COL23A1: variants seen among roughly 807,000 people sequenced by gnomAD.
COL23A1 encodes the protein collagen type XXIII alpha 1 chain.
A neutral mutation model predicts 99.3 loss-of-function variants in COL23A1; 97 were observed. The ratio of observed to expected loss-of-function variants is 0.98; its 90% CI spans 0.83 to 1.16. The LOEUF is 1.16. Among genes scored for constraint, COL23A1 ranks in the 50% most tolerant of loss-of-function variants. The pLI, the probability that COL23A1 is intolerant of heterozygous loss-of-function variation, is 0.00. For synonymous variants in COL23A1, 320 were observed against 308.2 expected, an observed-to-expected ratio of 1.04 and a Z score of -0.40; for missense variants, 762 against 757.4, an observed-to-expected ratio of 1.01 and a Z score of -0.07.
chr5:178,543,075 G>A (rs1761380476), intron 2 of COL23A1, among the ~76,000 whole-genome samples: 1 of 152,002 alleles, frequency 6.6e-6, no homozygotes, highest in Non-Finnish European at 1.5e-5. Flanking sequence ...TTCGAGGGTT[G>A]GAGAGTGAGA....
chr5:178,423,814 C>T (rs1401904060), intron 2 of COL23A1, among the ~76,000 whole-genome samples: 2 of 152,152 alleles, frequency 1.3e-5, no homozygotes, highest in Non-Finnish European at 2.9e-5. Flanking sequence ...TGGATCCCGG[C>T]CTGCCCATGA....
intron 10 of COL23A1, among the ~76,000 whole-genome samples, 154 bp from the exon 11 acceptor site, chr5:178,261,902 G>A (rs905311597): frequency 1.3e-5 from 2 of 152,332 alleles, no homozygotes; most frequent in South Asian, 2.1e-4. Flanking sequence ...GCCCACCCTG[G>A]GCCTGACTCC....
chr5:178,249,683 AACACACACAC>A (rs746295532), intron 18 of COL23A1, among the ~76,000 whole-genome samples: 1 of 118,328 alleles, frequency 8.5e-6, no homozygotes, highest in African/African-American at 4.3e-5. Flanking sequence ...TGTATAGGAT[AACACACACAC>A]ACACACACAC....
intron 3 of COL23A1, among the ~76,000 whole-genome samples, chr5:178,302,849 C>T (rs1263055187): frequency 6.6e-6 from 1 of 152,194 alleles, no homozygotes; most frequent in Non-Finnish European, 1.5e-5. Flanking sequence ...TAAAGACAAG[C>T]CTTGGGTATG....
intron 2 of COL23A1, among the ~76,000 whole-genome samples, chr5:178,453,073 G>A (rs754437862): frequency 2.0e-5 from 3 of 152,178 alleles, no homozygotes; most frequent in East Asian, 3.8e-4. Context: ...CCCACACGGC[G>A]AGAAAAACCA....
At chr5:178,272,935 A>C (rs935414169) in intron 5 of COL23A1, among the ~76,000 whole-genome samples, 1 of 152,166 alleles carries the variant, frequency 6.6e-6, no homozygotes, top group African/African-American at 2.4e-5. Context: ...GGTACGTGTC[A>C]TCATCCCCAT....
chr5:178,462,042 C>T (rs1023020843), intron 2 of COL23A1, among the ~76,000 whole-genome samples: 16 of 152,242 alleles, frequency 1.1e-4, no homozygotes, highest in African/African-American at 3.9e-4. Context: ...GCACTGTGTT[C>T]TTGGCACCCA....
At chr5:178,545,279 G>A (rs1424671846) in intron 2 of COL23A1, among the ~76,000 whole-genome samples, 6 of 152,062 alleles carry the variant, frequency 3.9e-5, no homozygotes, top group Admixed American at 1.3e-4. Context: ...CTCAGGCTAC[G>A]GCACTTTGAG....
chr5:178,390,735 A>G (rs531316254), intron 2 of COL23A1, among the ~76,000 whole-genome samples: 1 of 152,358 alleles, frequency 6.6e-6, no homozygotes, highest in South Asian at 2.1e-4. Flanking sequence ...TCCACATGCA[A>G]AAGAATGAAA....
intron 1 of COL23A1, among the ~76,000 whole-genome samples, chr5:178,588,127 CAGAG>C (rs372279717): frequency 5.3e-5 from 8 of 151,506 alleles, no homozygotes; most frequent in South Asian, 2.1e-4. Flanking sequence ...TAATCAAGAA[CAGAG>C]AGAGAGAGAG....
intron 1 of COL23A1, among the ~76,000 whole-genome samples, chr5:178,581,801 C>T (rs544755445): frequency 3.9e-5 from 6 of 152,174 alleles, no homozygotes; most frequent in African/African-American, 1.4e-4. Context: ...ACGGTACAGT[C>T]ATCACACATG....
chr5:178,305,538 C>T (rs72819087), intron 3 of COL23A1, among the ~76,000 whole-genome samples: 13,591 of 152,188 alleles, frequency 0.089, 638 homozygotes, highest in Middle Eastern at 0.15. Flanking sequence ...GGGGGCTGCC[C>T]GTGCTGAGTG....
At chr5:178,303,712 G>A (rs995845810) in intron 3 of COL23A1, among the ~76,000 whole-genome samples, 1 of 152,222 alleles carries the variant, frequency 6.6e-6, no homozygotes, top group Admixed American at 6.5e-5. Flanking sequence ...TTGCCCACAA[G>A]TGCCTCTTTC....
At chr5:178,585,751 T>TGGCGCTGGGGTAATGCCCTACAGCCC (rs1562115782) in intron 1 of COL23A1, among the ~76,000 whole-genome samples, 7 of 5,210 alleles carry the variant, frequency 1.3e-3, no homozygotes, top group Non-Finnish European at 3.2e-3. Context: ...GCTGACCCTG[T>TGGCGCTGGGGTAATGCCCTACAGCCC]TGGTTGCTCC....
At chr5:178,392,144 G>A (rs1419133835) in intron 2 of COL23A1, among the ~76,000 whole-genome samples, 1 of 144,152 alleles carries the variant, frequency 6.9e-6, no homozygotes, top group Non-Finnish European at 1.5e-5. Flanking sequence ...TTTGGTTGAT[G>A]AATTGTTCCA....
Position 178,501,285 on chromosome 5 carries a change from A to G in COL23A1, c.361+59397T>C, listed in dbSNP as rs539450228. 6.6e-5 allele frequency among the ~76,000 whole-genome samples: 10 copies of G among 152,232 alleles called. No individual in the cohort carries two copies. In the East Asian group the frequency reaches 1.9e-3, roughly 29 times the overall value. ...CTGGAAACACTAAAAGGCACAGACCAAAAAAAGCCCCAACAGGCCGGGCAC... is the reference window on the plus strand; with the variant it reads ...CTGGAAACACTAAAAGGCACAGACCGAAAAAAGCCCCAACAGGCCGGGCAC... On this transcript the variant is annotated intron_variant, in intron 2 of 28. Transcript: ENST00000390654.
intron 8 of COL23A1, among the ~76,000 whole-genome samples, chr5:178,264,913 T>C (rs929146838): frequency 6.6e-5 from 10 of 152,324 alleles, no homozygotes; most frequent in African/African-American, 2.2e-4. Context: ...CCCAAAGTGC[T>C]GGGATTACAG....
intron 2 of COL23A1, among the ~76,000 whole-genome samples, chr5:178,433,521 T>C (rs979993786): frequency 6.6e-6 from 1 of 152,020 alleles, no homozygotes; most frequent in African/African-American, 2.4e-5. Context: ...CATTGGCAAT[T>C]GGTGATTAAA....
chr5:178,536,614 C>A (rs1389640907), intron 2 of COL23A1, among the ~76,000 whole-genome samples: 1 of 152,228 alleles, frequency 6.6e-6, no homozygotes, highest in Non-Finnish European at 1.5e-5. Context: ...TGGCCTCACA[C>A]TTCTAGGCCC....
Sources: gnomAD v4.1 joint callset for allele counts (sites outside exome capture counted in the v4.1 genomes callset) on GRCh38, gnomAD v4.1.1 for gene constraint, MANE v1.5 for transcripts, NCBI Gene and HGNC (gene_info 2026-07-23, HGNC 2026-07-21) for gene names.